The following MPZL1 variants were observed in gnomAD, a reference collection of about 807,000 sequenced individuals.
The protein encoded by MPZL1 is myelin protein zero-like protein 1.
In MPZL1, 16 loss-of-function variants were observed where a neutral mutation model predicts 29.3. The observed-to-expected ratio is 0.55, with a 90% CI of 0.37 to 0.83. The LOEUF is 0.83. MPZL1 is among the 40% of genes least tolerant of loss of function. The pLI, the probability that MPZL1 is intolerant of heterozygous loss-of-function variation, is 0.00. For missense variants in MPZL1, 279 were observed against 332.9 expected, an observed-to-expected ratio of 0.84 and a Z score of 1.26; for synonymous variants, 143 against 132.0, an observed-to-expected ratio of 1.08 and a Z score of -0.57.
At chr1:167,746,346 G>T (rs1168870400) in intron 1 of MPZL1, among the ~76,000 whole-genome samples, 2 of 151,686 alleles carry the variant, frequency 1.3e-5, no homozygotes, top group African/African-American at 2.4e-5. Flanking sequence ...GTAACCTGGA[G>T]CCAGCCTTTG....
chr1:167,783,899 C>T (rs1208919383), intron 5 of MPZL1, among the ~76,000 whole-genome samples: 3 of 152,118 alleles, frequency 2.0e-5, no homozygotes, highest in Non-Finnish European at 4.4e-5. Context: ...TCAATGAGCA[C>T]ATGGTAAAAA....
intron 2 of MPZL1, among the ~76,000 whole-genome samples, chr1:167,771,358 G>T (rs928830745): frequency 6.6e-6 from 1 of 152,190 alleles, no homozygotes; most frequent in African/African-American, 2.4e-5. Flanking sequence ...ATTTTTCTTA[G>T]TACAGAACAA....
chr1:167,724,707 C>A (rs931085236), intron 1 of MPZL1, among the ~76,000 whole-genome samples: 1 of 151,980 alleles, frequency 6.6e-6, no homozygotes, highest in Non-Finnish European at 1.5e-5. Flanking sequence ...GTTTGAGATG[C>A]GGGTAAGACA....
chr1:167,784,836 G>A (rs1440683791), intron 5 of MPZL1, among the ~76,000 whole-genome samples: 4 of 152,184 alleles, frequency 2.6e-5, no homozygotes, highest in Admixed American at 6.5e-5. Flanking sequence ...TCAGGCAGTG[G>A]TAAACAGTTT....
chr1:167,750,900 T>G (rs1169466456), intron 1 of MPZL1, among the ~76,000 whole-genome samples: 1 of 152,252 alleles, frequency 6.6e-6, no homozygotes, highest in Non-Finnish European at 1.5e-5. Context: ...AGTTTTACAT[T>G]AATATTTTTA....
intron 1 of MPZL1, among the ~76,000 whole-genome samples, chr1:167,728,710 A>T (rs1338142988): frequency 1.3e-5 from 2 of 152,170 alleles, no homozygotes; most frequent in Non-Finnish European, 2.9e-5. Context: ...ATAGAGCTTG[A>T]GTAATTTTGT....
At chr1:167,773,106 C>CTCA in intron 3 of MPZL1, 130 bp from the exon 4 acceptor site, 1 of 881,864 alleles carries the variant, frequency 1.1e-6, no homozygotes, top group Non-Finnish European at 1.7e-6. Context: ...ATAGTAGGAT[C>CTCA]TCATAGTTTG....
At chr1:167,738,931 A>G (rs565496774) in intron 1 of MPZL1, among the ~76,000 whole-genome samples, 13 of 151,952 alleles carry the variant, frequency 8.6e-5, no homozygotes, top group Admixed American at 2.0e-4. Flanking sequence ...GAATGGACCA[A>G]TACATATATT....
intron 1 of MPZL1, among the ~76,000 whole-genome samples, chr1:167,730,452 T>G (rs1660238802): frequency 6.6e-6 from 1 of 152,022 alleles, no homozygotes; most frequent in African/African-American, 2.4e-5. Context: ...CTAATTTTTG[T>G]GTTTTTAGTA....
intron 5 of MPZL1, among the ~76,000 whole-genome samples, chr1:167,781,493 A>C (rs1360810568): frequency 6.6e-6 from 1 of 152,200 alleles, no homozygotes; most frequent in Non-Finnish European, 1.5e-5. Context: ...CATGAGTAAA[A>C]CAAGAAGTCA....
At chr1:167,724,263 G>T (rs1660098013) in intron 1 of MPZL1, among the ~76,000 whole-genome samples, 1 of 152,204 alleles carries the variant, frequency 6.6e-6, no homozygotes, top group Non-Finnish European at 1.5e-5. Context: ...TATAGTGGGA[G>T]GTTGGAGTGT....
At chr1:167,747,808 G>A (rs1660676991) in intron 1 of MPZL1, among the ~76,000 whole-genome samples, 1 of 151,882 alleles carries the variant, frequency 6.6e-6, no homozygotes, top group Admixed American at 6.6e-5. Flanking sequence ...GGGATTCAGT[G>A]GTTTTTCAGT....
chr1:167,776,515 T>C (rs1661372766), intron 5 of MPZL1, among the ~76,000 whole-genome samples: 1 of 152,224 alleles, frequency 6.6e-6, no homozygotes, highest in Admixed American at 6.5e-5. Context: ...GGAGATTCTT[T>C]CTGTATTGAG....
At chr1:167,786,713 G>A (rs1661600968) in intron 5 of MPZL1, among the ~76,000 whole-genome samples, 1 of 152,226 alleles carries the variant, frequency 6.6e-6, no homozygotes, top group Non-Finnish European at 1.5e-5. Flanking sequence ...GACACAGGTT[G>A]TTAGGGCTCC....
chr1:167,748,457 G>C (rs548703370), intron 1 of MPZL1, among the ~76,000 whole-genome samples: 1 of 152,182 alleles, frequency 6.6e-6, no homozygotes, highest in Non-Finnish European at 1.5e-5. Flanking sequence ...TGATATTCAT[G>C]TACATTACCC....
intron 3 of MPZL1, 146 bp downstream of exon 3, chr1:167,772,634 C>G (rs1661277027): frequency 4.4e-6 from 3 of 680,248 alleles, no homozygotes; most frequent in Non-Finnish European, 4.9e-6. Flanking sequence ...ACCTGTGGCT[C>G]TACCAAACAC....
chr1:167,768,388 C>CT lies in MPZL1; in HGVS notation c.258+2652dup, dbSNP rs148008880. On this transcript the variant is annotated intron_variant, in intron 2 of 5. Transcript: ENST00000359523. ...ACCCTCTGTCTCCTCCATAATGCCT[C>CT]TTTTTTTTTTTTTAACCTTTTAGCC... Among the ~76,000 whole-genome samples the CT allele has an allele frequency of 4.7e-3, 682 of 145,776 alleles. 2 individuals are homozygous for CT. The highest frequency in any genetic ancestry group is 0.011 in the African/African-American group (434 of 39,734).
chr1:167,776,259 G>GAGAGAC (rs1447625752), intron 5 of MPZL1, 93 bp downstream of exon 5: 8 of 835,626 alleles, frequency 9.6e-6, no homozygotes, highest in African/African-American at 3.4e-5. Flanking sequence ...ACTGAGCTAT[G>GAGAGAC]AGAGACAGAG....
intron 2 of MPZL1, among the ~76,000 whole-genome samples, chr1:167,769,574 A>T (rs1344509820): frequency 6.6e-6 from 1 of 152,152 alleles, no homozygotes; most frequent in Non-Finnish European, 1.5e-5. Flanking sequence ...TCTTCATGGG[A>T]GTGAAGATTT....
Sources: allele counts gnomAD v4.1 joint callset (sites outside exome capture counted in the v4.1 genomes callset), GRCh38; gene constraint gnomAD v4.1.1; transcripts MANE v1.5; gene names NCBI Gene and HGNC (gene_info 2026-07-23, HGNC 2026-07-21).